FGFR4: variants seen among roughly 807,000 people sequenced by gnomAD.
FGFR4 encodes fibroblast growth factor receptor 4.
FGFR4 carries 63 observed loss-of-function variants against 89.9 expected under a neutral mutation model. The observed-to-expected ratio is 0.70, with a 90% confidence interval of 0.57 to 0.86. FGFR4 has a LOEUF of 0.86. Among genes scored for constraint, FGFR4 ranks in the 40% least tolerant of loss-of-function variants. FGFR4 has a pLI of 0.00. For missense variants in FGFR4, 928 were observed against 1,106.7 expected, an observed-to-expected ratio of 0.84 and a Z score of 2.29; for synonymous variants, 486 against 479.4, an observed-to-expected ratio of 1.01 and a Z score of -0.18.
In FGFR4 at chr5:177,090,583, T is replaced by C. The variant is rs1231512500; in HGVS notation, c.285T>C (p.Asp95=). The change falls in exon 3 of 18, where the codon GAT becomes GAC. Residue 95 remains aspartate, a synonymous_variant. Transcript: ENST00000292408. ...RLEIASFLPE[D]AGRYLCLARG... The stretch of plus-strand genomic sequence containing the variant: ...AGATTGCCAGCTTCCTACCTGAGGA[T>C]GCTGGCCGCTACCTCTGCCTGGCAC... The C allele has an allele frequency of 6.6e-7, 1 of 1,524,548 alleles. No individual in the cohort carries two copies. The highest frequency in any genetic ancestry group is 2.2e-5 in the Admixed American group (1 of 45,342). The allele number at this position is 1,524,548 out of a possible 1,614,324, so 94.4% of individuals were successfully genotyped here. A position where few individuals can be genotyped will look rare whatever the true frequency, so the allele number is the denominator to read the frequency against.
intron 16 of FGFR4, 147 bp from the exon 17 acceptor site, chr5:177,097,145 G>T: frequency 1.7e-6 from 1 of 578,214 alleles, no homozygotes; most frequent in Non-Finnish European, 3.0e-6. Flanking sequence ...CAGCCTAGTG[G>T]AGTGTCCTGG....
rs1196791746 is a variant in FGFR4, at chr5:177,087,029, G to GCCAGGTGAGCAGGAC, written c.-99_-85dup. On this transcript the variant is annotated 5_prime_UTR_variant, in exon 1 of 18. Coordinates refer to ENST00000292408, the MANE Select transcript of FGFR4 (RefSeq NM_213647.3). This position sits in a 1 kb window ranked among gnomAD's most constrained non-coding sequence, Gnocchi z 6.1. Reference sequence around the variant, plus strand: ...CGGCGGAGGAGCCAGGTGAGGAGGAGCCAGGTGAGCAGGACCCTGTGCTGG... The same window carrying GCCAGGTGAGCAGGAC: ...CGGCGGAGGAGCCAGGTGAGGAGGAGCCAGGTGAGCAGGACCCAGGTGAGCAGGACCCTGTGCTGG... 6 of 152,420 alleles carry GCCAGGTGAGCAGGAC rather than the reference G, an allele frequency of 3.9e-5. No individual in the cohort carries two copies. The highest frequency in any genetic ancestry group is 1.2e-4 in the African/African-American group (5 of 41,442). The allele number at this position is 152,420 out of a possible 1,614,324, so 9.4% of individuals were successfully genotyped here.
rs1784198555 is a variant in FGFR4 at position 177,087,644 on chromosome 5, A to G, written c.-54+567A>G. The G allele has an allele frequency of 4.4e-5, 43 of 985,236 alleles. No homozygotes were observed. The highest frequency in any genetic ancestry group is 5.2e-5 in the Non-Finnish European group (43 of 829,844). 61.0% of individuals were successfully genotyped at this position (985,236 alleles called of 1,614,324 possible). The stretch of plus-strand genomic sequence containing the variant: ...TATCAGGGCAGCCTGGGGTAGGAAT[A>G]AACTCCCCGGGCCTCCCCACCCACT... On this transcript the variant is annotated intron_variant, in intron 1 of 17. Transcript: ENST00000292408. This position sits in a 1 kb window ranked among gnomAD's most constrained non-coding sequence, Gnocchi z 6.1.
Position 177,096,083 on chromosome 5 carries a change from C to A in FGFR4, c.1848C>A (p.Arg616=). The part of the protein sequence containing the change: ...RKCIHRDLAA[R]NVLVTEDNVM... The stretch of plus-strand genomic sequence containing the variant: ...GTATCCACCGGGACCTGGCTGCCCG[C>A]AATGTGCTGGTGACTGAGGACAATG... Residue 616 remains arginine, a synonymous_variant, in exon 14 of 18, where the codon CGC becomes CGA. Coordinates refer to ENST00000292408, the MANE Select transcript of FGFR4 (RefSeq NM_213647.3). 6.2e-7 allele frequency: 1 copy of A among 1,614,112 alleles called. No homozygotes were observed. The highest frequency in any genetic ancestry group is 8.5e-7 in the Non-Finnish European group (1 of 1,180,002).
rs1334854279 is a variant in FGFR4, at chr5:177,090,831, T to C, written c.436+6T>C. 25 of 1,613,982 alleles carry C rather than the reference T, an allele frequency of 1.5e-5. No individual in the cohort carries two copies. Among genetic ancestry groups the C allele is most frequent in the Middle Eastern group, 1.6e-4 (1 of 6,084 alleles). On this transcript the variant is annotated splice_donor_region_variant and intron_variant, in intron 4 of 17. Transcript: ENST00000292408. Reference sequence around the variant, plus strand: ...GCACAGTTACCCCCAGCAAGGTCAGTAGGTCTCCAAGGACTTGTGTCCCCG... The same window carrying C: ...GCACAGTTACCCCCAGCAAGGTCAGCAGGTCTCCAAGGACTTGTGTCCCCG...
rs34284947 is a variant in FGFR4, at chr5:177,095,396, G to A, written c.1586G>A (p.Arg529Gln). Reference sequence around the variant, plus strand: ...ATGGAGGTGATGAAGCTGATCGGCCGACACAAGAACATCATCAACCTGCTT... The same window carrying A: ...ATGGAGGTGATGAAGCTGATCGGCCAACACAAGAACATCATCAACCTGCTT... ...SEMEVMKLIGRHKNIINLLGV... is the reference protein window; with the variant it reads ...SEMEVMKLIGQHKNIINLLGV... The change falls in exon 12 of 18, where the codon CGA (arginine) becomes CAA (glutamine). Residue 529 changes from arginine to glutamine, a missense_variant. Coordinates refer to ENST00000292408, the MANE Select transcript of FGFR4 (RefSeq NM_213647.3). The surrounding 1 kb of genome is among the most constrained non-coding windows in gnomAD (Gnocchi z 5.7). 2.6e-5 allele frequency: 42 copies of A among 1,614,180 alleles called. No individual in the cohort carries two copies. Among genetic ancestry groups the A allele is most frequent in the East Asian group, 1.6e-4 (7 of 44,880 alleles).
In FGFR4 at chr5:177,096,291, G is replaced by T. The variant is rs1172824038; in HGVS notation, c.1949G>T (p.Arg650Leu). The T allele has an allele frequency of 6.2e-7, 1 of 1,614,096 alleles. No homozygotes were observed. Among genetic ancestry groups the T allele is most frequent in the East Asian group, 2.2e-5 (1 of 44,880 alleles). The part of the protein sequence containing the change: ...IDYYKKTSNG[R>L]LPVKWMAPEA... ...GAGGCCCTCTCTCCCCTCCAGGGCC[G>T]CCTGCCTGTGAAGTGGATGGCGCCC... The change falls in exon 15 of 18, where the codon CGC becomes CTC. Residue 650 changes from arginine to leucine, a missense_variant. Around this residue, in one of 5 missense-constraint regions of FGFR4, gnomAD observed 27 missense variants for 64.4 expected, o/e 0.42. Transcript: ENST00000292408.
In FGFR4 at chr5:177,089,536, C is replaced by T; in HGVS notation, c.-53-14C>T. 1 of 1,549,970 alleles carries T rather than the reference C, an allele frequency of 6.5e-7. No individual in the cohort carries two copies. Among genetic ancestry groups the T allele is most frequent in the Non-Finnish European group, 8.7e-7 (1 of 1,147,410 alleles). On this transcript the variant is annotated splice_polypyrimidine_tract_variant and intron_variant, in intron 1 of 17. Coordinates refer to ENST00000292408, the MANE Select transcript of FGFR4 (RefSeq NM_213647.3). ...TGCACGTGTAGCAGGAGCTCTTTTC[C>T]CTCCCTATTTTAGGAAGGCAGTTGG...
chr5:177,092,647 C>T lies in FGFR4; in HGVS notation c.920C>T (p.Thr307Ile), dbSNP rs200525902. The T allele has an allele frequency of 2.4e-5, 39 of 1,603,570 alleles. No individual in the cohort carries two copies. The Admixed American group carries it at 2.5e-4, about 10-fold the overall frequency. Reference protein sequence around the residue: ...DGFPYVQVLKTADINSSEVEV... With the variant: ...DGFPYVQVLKIADINSSEVEV... ...CCCAGAGCATGTCCCCCACCCCAGACTGCAGACATCAATAGCTCAGAGGTG... is the reference window on the plus strand; with the variant it reads ...CCCAGAGCATGTCCCCCACCCCAGATTGCAGACATCAATAGCTCAGAGGTG... Residue 307 changes from threonine (T) to isoleucine (I), a missense_variant and splice_region_variant, in exon 8 of 18, where the codon ACT becomes ATT. By Grantham distance (89) the Thr-to-Ile change is moderately conservative. Transcript: ENST00000292408.
Position 177,091,794 on chromosome 5 carries a change from T to A in FGFR4, c.713T>A (p.Leu238Gln). Reference protein sequence around the residue: ...NAVGSIRYNYLLDVLERSPHR... With the variant: ...NAVGSIRYNYQLDVLERSPHR... ...GTGGGCAGCATCCGCTATAACTACC[T>A]GCTAGATGTGCTGGGTGAGCGCGGG... Residue 238 changes from leucine to glutamine, a missense_variant, in exon 6 of 18, where the codon CTG becomes CAG. Leu to Gln is a moderately radical substitution (Grantham distance 113, BLOSUM62 -2). Transcript: ENST00000292408. The A allele has an allele frequency of 6.2e-7, 1 of 1,614,110 alleles. No individual in the cohort carries two copies. The highest frequency in any genetic ancestry group is 8.5e-7 in the Non-Finnish European group (1 of 1,179,990).
chr5:177,090,830 G>C lies in FGFR4; in HGVS notation c.436+5G>C. The C allele has an allele frequency of 6.2e-7, 1 of 1,614,140 alleles. No homozygotes were observed. Among genetic ancestry groups the C allele is most frequent in the Non-Finnish European group, 8.5e-7 (1 of 1,179,974 alleles). On this transcript the variant is annotated splice_donor_5th_base_variant and intron_variant, in intron 4 of 17. Transcript: ENST00000292408. ...GGCACAGTTACCCCCAGCAAGGTCA[G>C]TAGGTCTCCAAGGACTTGTGTCCCC...
intron 15 of FGFR4, 48 bp downstream of exon 15, chr5:177,096,405 C>A (rs1295941516): frequency 1.2e-6 from 2 of 1,607,520 alleles, no homozygotes; most frequent in Non-Finnish European, 8.5e-7. Flanking sequence ...AAGGGCAAGG[C>A]ACTGCCCAAA....
At chr5:177,097,231 G>C (rs562347108) in intron 16 of FGFR4, 61 bp from the exon 17 acceptor site, 1 of 1,399,622 alleles carries the variant, frequency 7.1e-7, no homozygotes, top group African/African-American at 1.4e-5. Context: ...AGAACCCCCG[G>C]TCCTCCCCTT....
rs765263381 is a variant in FGFR4, at chr5:177,090,378, C to T, written c.92-12C>T. 1.9e-6 allele frequency: 3 copies of T among 1,600,400 alleles called. No individual in the cohort carries two copies. The highest frequency in any genetic ancestry group is 1.7e-6 in the Non-Finnish European group (2 of 1,179,938). On this transcript the variant is annotated splice_polypyrimidine_tract_variant and intron_variant, in intron 2 of 17. Transcript: ENST00000292408. The stretch of plus-strand genomic sequence containing the variant: ...GCTGCGGGGTCTGCTGACCTCTGCC[C>T]TCTGCCCACAGAGCCCTGCCTGGCT...
rs1326935512 is a variant in FGFR4, at chr5:177,091,013, G to A, written c.512G>A (p.Arg171His). 2.5e-6 allele frequency: 4 copies of A among 1,613,394 alleles called. No homozygotes were observed. Among genetic ancestry groups the A allele is most frequent in the Non-Finnish European group, 3.4e-6 (4 of 1,179,368 alleles). Residue 171 changes from arginine to histidine, a missense_variant, in exon 5 of 18, where the codon CGC (arginine) becomes CAC (histidine). Physicochemically the swap from Arg to His is conservative, Grantham distance 29. Transcript: ENST00000292408. The stretch of plus-strand genomic sequence containing the variant: ...CCTGCGGGGAACACCGTCAAGTTCC[G>A]CTGTCCAGCTGCAGGCAACCCCACG... ...AVPAGNTVKFRCPAAGNPTPT... is the reference protein window; with the variant it reads ...AVPAGNTVKFHCPAAGNPTPT...
At chr5:177,092,998 G>A (rs752580797) in intron 8 of FGFR4, 140 bp from the exon 9 acceptor site, 9 of 1,324,276 alleles carry the variant, frequency 6.8e-6, no homozygotes, top group Admixed American at 1.9e-5. Context: ...GGGTGCCTGG[G>A]ACTGGGCATA....
chr5:177,096,818 T>G (rs1784584877), intron 16 of FGFR4, 77 bp downstream of exon 16: 1 of 1,509,080 alleles, frequency 6.6e-7, no homozygotes, highest in Admixed American at 1.9e-5. Flanking sequence ...TCAGGGTGTG[T>G]CCCGGCCAGA....
At position 177,093,654 on chromosome 5, in the gene FGFR4, G is replaced by A. The variant is rs778208623; in HGVS notation, c.1398G>A (p.Arg466=). ...GAGGCTGGACTTTCTCCATCTCCAG[G>A]CTGGTGCTTGGGAAGCCCCTAGGCG... is the stretch of plus-strand genomic sequence containing the variant. ...LDPLWEFPRD[R]LVLGKPLGEG... The change falls in exon 11 of 18, where the codon AGG becomes AGA. Residue 466 remains arginine (R), a splice_region_variant and synonymous_variant. Coordinates refer to ENST00000292408, the MANE Select transcript of FGFR4 (RefSeq NM_213647.3). This position sits in a 1 kb window ranked among gnomAD's most constrained non-coding sequence, Gnocchi z 5.8. 6.2e-7 allele frequency: 1 copy of A among 1,614,220 alleles called. No individual in the cohort carries two copies. The highest frequency in any genetic ancestry group is 1.1e-5 in the South Asian group (1 of 91,088).
rs2149733470 is a variant in FGFR4, at chr5:177,092,301, C to T, written c.728-20C>T. ...TATGGGTGCCGGTGGTCAGGGTTGA[C>T]TGTCTCGCCCGGTCCCCAGAGCGGT... On this transcript the variant is annotated intron_variant, in intron 6 of 17. Coordinates refer to ENST00000292408, the MANE Select transcript of FGFR4 (RefSeq NM_213647.3). 1.3e-6 allele frequency: 2 copies of T among 1,534,440 alleles called. No individual in the cohort carries two copies. The highest frequency in any genetic ancestry group is 1.8e-6 in the Non-Finnish European group (2 of 1,137,228).
Sources: gnomAD v4.1 joint callset for allele counts on GRCh38, gnomAD v4.1.1 for gene constraint, gnomAD v4.1.1 regional missense constraint, Gnocchi (gnomAD v3.1) non-coding constraint, MANE v1.5 for transcripts, NCBI Gene and HGNC (gene_info 2026-07-23, HGNC 2026-07-21) for gene names.